Variants in PARD3B observed in about 807,000 individuals in gnomAD.
PARD3B encodes partitioning defective 3 homolog B.
Under a neutral mutation model 130.2 loss-of-function variants are expected in PARD3B, and 103 were observed. The observed-to-expected ratio is 0.79, with a 90% CI of 0.67 to 0.93. The LOEUF (loss-of-function observed/expected upper bound fraction) is 0.93. Among genes scored for constraint, PARD3B ranks in the 40% least tolerant of loss-of-function variants. PARD3B has a pLI of 0.00. For synonymous variants in PARD3B, 583 were observed against 553.2 expected (o/e 1.05, Z -0.76); for missense variants, 1,609 against 1,499.2 (o/e 1.07, Z -1.21).
intron 1 of PARD3B, among the ~76,000 whole-genome samples, chr2:204,667,083 G>C (rs982054767): frequency 3.9e-5 from 6 of 152,178 alleles, no homozygotes; most frequent in African/African-American, 1.4e-4. Flanking sequence ...AGGAAATGCT[G>C]AGTAGGCCAT....
At chr2:204,924,816 G>T (rs1361182683) in intron 2 of PARD3B, among the ~76,000 whole-genome samples, 1 of 151,996 alleles carries the variant, frequency 6.6e-6, no homozygotes, top group African/African-American at 2.4e-5. Flanking sequence ...TGCCGAATTG[G>T]ATTCACAGTA....
chr2:205,445,541 G>A (rs779178251), intron 20 of PARD3B, among the ~76,000 whole-genome samples: 6 of 152,044 alleles, frequency 3.9e-5, no homozygotes, highest in African/African-American at 9.7e-5. Context: ...ACTTCTAAAC[G>A]GCCGGATCTC....
chr2:204,685,204 T>C (rs1225183141), intron 1 of PARD3B, among the ~76,000 whole-genome samples: 3 of 152,294 alleles, frequency 2.0e-5, no homozygotes, highest in Admixed American at 1.3e-4. Flanking sequence ...TTTCCATCTT[T>C]CTTTTTTAAC....
chr2:204,614,417 T>A (rs1250457507), intron 1 of PARD3B, among the ~76,000 whole-genome samples: 1 of 152,144 alleles, frequency 6.6e-6, no homozygotes, highest in Non-Finnish European at 1.5e-5. Context: ...ATGTGACTAG[T>A]CACCACCATG....
At chr2:205,594,744 G>T (rs2054509011) in intron 22 of PARD3B, among the ~76,000 whole-genome samples, 1 of 152,196 alleles carries the variant, frequency 6.6e-6, no homozygotes, top group South Asian at 2.1e-4. Context: ...GGGGATGGGA[G>T]TGTATAAAAA....
intron 2 of PARD3B, among the ~76,000 whole-genome samples, chr2:204,687,706 C>G (rs1285039374): frequency 6.6e-6 from 1 of 152,148 alleles, no homozygotes; most frequent in East Asian, 1.9e-4. Flanking sequence ...TTCTTTCACC[C>G]TGTTTCACTT....
chr2:204,550,736 G>C (rs755796392), intron 1 of PARD3B, among the ~76,000 whole-genome samples: 8 of 152,166 alleles, frequency 5.3e-5, no homozygotes, highest in Non-Finnish European at 1.2e-4. Context: ...CCCAGAACTG[G>C]GAGTAGTCTG....
chr2:205,174,925 T>C (rs1237494890), intron 12 of PARD3B, among the ~76,000 whole-genome samples: 1 of 152,214 alleles, frequency 6.6e-6, no homozygotes, highest in Non-Finnish European at 1.5e-5. Context: ...TGAGGTTCAA[T>C]TGTAATTCTA....
At chr2:204,919,938 T>C (rs1465841670) in intron 2 of PARD3B, among the ~76,000 whole-genome samples, 2 of 151,958 alleles carry the variant, frequency 1.3e-5, no homozygotes, top group African/African-American at 2.4e-5. Flanking sequence ...TTTTTTTTTT[T>C]CTAAAAGTCT....
chr2:204,598,737 C>G (rs2033395003), intron 1 of PARD3B, among the ~76,000 whole-genome samples: 1 of 151,964 alleles, frequency 6.6e-6, no homozygotes, highest in Non-Finnish European at 1.5e-5. Flanking sequence ...GTAACAAACA[C>G]TCTGTAGTAA....
intron 3 of PARD3B, among the ~76,000 whole-genome samples, chr2:205,038,705 T>G (rs1698181756): frequency 6.6e-6 from 1 of 152,252 alleles, no homozygotes; most frequent in Non-Finnish European, 1.5e-5. Flanking sequence ...GTGTGCTTAT[T>G]CATATCCATT....
At chr2:204,825,796 G>A (rs2043547037) in intron 2 of PARD3B, among the ~76,000 whole-genome samples, 1 of 152,204 alleles carries the variant, frequency 6.6e-6, no homozygotes, top group Non-Finnish European at 1.5e-5. Context: ...TCCTAATCCA[G>A]CTGAGGATGC....
chr2:204,850,716 C>G (rs1199038462), intron 2 of PARD3B, among the ~76,000 whole-genome samples: 1 of 152,142 alleles, frequency 6.6e-6, no homozygotes, highest in Non-Finnish European at 1.5e-5. Flanking sequence ...CTTAGCTGAG[C>G]AGGCACTGAC....
intron 18 of PARD3B, among the ~76,000 whole-genome samples, chr2:205,354,384 C>T (rs903188799): frequency 2.6e-5 from 4 of 151,498 alleles, no homozygotes; most frequent in Non-Finnish European, 4.4e-5. Flanking sequence ...GGGTGCAGCA[C>T]ACCAACATGG....
Position 205,499,997 on chromosome 2 carries a change from G to A in PARD3B, c.3146G>A (p.Gly1049Glu). ...TTCCCTTTATATGAAGACGACGAAG[G>A]AAGAGCAAGGCCATCTGAGTATGAC... ...EGFPLYEDDEGRARPSEYDLL... is the reference protein window; with the variant it reads ...EGFPLYEDDEERARPSEYDLL... Residue 1049 changes from glycine to glutamate, a missense_variant, in exon 21 of 23, where the codon GGA becomes GAA. Transcript: ENST00000406610. The A allele has an allele frequency of 1.2e-6, 2 of 1,613,888 alleles. No individual in the cohort carries two copies. The highest frequency in any genetic ancestry group is 1.7e-6 in the Non-Finnish European group (2 of 1,179,826).
At chr2:205,582,251 G>T (rs1371865007) in intron 22 of PARD3B, among the ~76,000 whole-genome samples, 2 of 152,108 alleles carry the variant, frequency 1.3e-5, no homozygotes, top group African/African-American at 4.8e-5. Context: ...CCTGGTGTGG[G>T]CATTCTCTAC....
chr2:205,434,384 AAATT>A (rs1409071551), intron 19 of PARD3B, among the ~76,000 whole-genome samples: 3 of 152,198 alleles, frequency 2.0e-5, no homozygotes, highest in Non-Finnish European at 4.4e-5. Context: ...AATATTGAAT[AAATT>A]AATCTGTCAA....
rs746340423 is a variant in PARD3B, at chr2:204,546,024, A to G, written c.25A>G (p.Arg9Gly). 3.8e-6 allele frequency: 6 copies of G among 1,568,268 alleles called. No individual in the cohort carries two copies. The Admixed American group carries it at 5.4e-5, about 14-fold the overall frequency. Residue 9 changes from arginine to glycine, a missense_variant, in exon 1 of 23, where the codon AGG becomes GGG. Physicochemically the swap from Arg to Gly is moderately radical, Grantham distance 125. Transcript: ENST00000406610. ...GATGAAAGTGACCGTGTGCTTCGGC[A>G]GGACGGGCATCGTGGTGCCCTGCAA... MKVTVCFG[R>G]TGIVVPCKEG... is the part of the protein sequence containing the mutation.
chr2:204,827,219 C>T (rs999367841), intron 2 of PARD3B, among the ~76,000 whole-genome samples: 2 of 152,072 alleles, frequency 1.3e-5, no homozygotes, highest in African/African-American at 4.8e-5. Flanking sequence ...GTGTATTGAA[C>T]CAGTGTTAGC....
Sources: allele counts gnomAD v4.1 joint callset (sites outside exome capture counted in the v4.1 genomes callset), GRCh38; gene constraint gnomAD v4.1.1; transcripts MANE v1.5; gene names NCBI Gene and HGNC (gene_info 2026-07-23, HGNC 2026-07-21).